NEK5: variants seen among roughly 807,000 people sequenced by gnomAD.
NEK5 encodes the protein NIMA related kinase 5, also known as serine/threonine-protein kinase Nek5.
A neutral mutation model predicts 109.2 loss-of-function variants in NEK5; 88 were observed. That is an observed-to-expected ratio of 0.81 (90% CI 0.68 to 0.96). The LOEUF (loss-of-function observed/expected upper bound fraction) is 0.96, where lower values mean the gene tolerates loss of function less well. Among genes scored for constraint, NEK5 ranks in the 40% least tolerant of loss-of-function variants. The pLI is 0.00. For missense variants in NEK5, 834 were observed against 920.7 expected (o/e 0.91, Z 1.22); for synonymous variants, 283 against 299.9 (o/e 0.94, Z 0.58).
intron 20 of NEK5, among the ~76,000 whole-genome samples, chr13:52,071,215 G>C (rs1411273713): frequency 6.6e-6 from 1 of 152,118 alleles, no homozygotes; most frequent in South Asian, 2.1e-4. Flanking sequence ...AACAAAAAGG[G>C]AGGGGTCCCA....
At chr13:52,124,725 AC>A (rs1246995587) in intron 3 of NEK5, among the ~76,000 whole-genome samples, 1 of 152,224 alleles carries the variant, frequency 6.6e-6, no homozygotes, top group East Asian at 1.9e-4. Context: ...TATTTTTGGC[AC>A]CTTCTCGATT....
chr13:52,098,868 T>G (rs9526834), intron 12 of NEK5, among the ~76,000 whole-genome samples: 94,687 of 152,076 alleles, frequency 0.62, 30,533 homozygotes, highest in Non-Finnish European at 0.71. Context: ...ATACTTCATT[T>G]TAAGTACAAA....
At chr13:52,068,483 A>ACACG (rs1243081680) in intron 20 of NEK5, among the ~76,000 whole-genome samples, 2 of 151,898 alleles carry the variant, frequency 1.3e-5, no homozygotes, top group Admixed American at 1.3e-4. Flanking sequence ...ACACACACAC[A>ACACG]CACACACACA....
At chr13:52,128,810 G>C (rs994873942) in intron 1 of NEK5, 6 of 152,362 alleles carry the variant, frequency 3.9e-5, no homozygotes, top group Non-Finnish European at 5.9e-5. Context: ...CGGGTGAGTG[G>C]CAAGACGCTT....
chr13:52,100,922 C>T (rs1007828893), intron 11 of NEK5, among the ~76,000 whole-genome samples: 5 of 152,128 alleles, frequency 3.3e-5, no homozygotes, highest in African/African-American at 1.2e-4. Flanking sequence ...ATAACATTTC[C>T]CTGTCATGGA....
At chr13:52,110,603 C>T in intron 5 of NEK5, 26 bp from the exon 6 acceptor site, 1 of 1,420,348 alleles carries the variant, frequency 7.0e-7, no homozygotes, top group South Asian at 1.2e-5. Flanking sequence ...AAAACAAAGC[C>T]ACTGAATAGC....
At position 52,086,378 on chromosome 13, in the gene NEK5, C is replaced by G. The variant is rs1467272822; in HGVS notation, c.1393-15G>C. 2 of 1,536,144 alleles carry G rather than the reference C, an allele frequency of 1.3e-6. No individual in the cohort carries two copies. The highest frequency in any genetic ancestry group is 4.5e-5 in the East Asian group (2 of 44,456). The stretch of plus-strand genomic sequence containing the variant: ...TTCCAATATTCCTGGAAAGCAAACC[C>G]AATCCAGAAACTTTAAATGTTTATG... On this transcript the variant is annotated splice_polypyrimidine_tract_variant and intron_variant, in intron 15 of 23. Transcript: ENST00000684899.
At chr13:52,058,120 C>A (rs1191915372) in intron 22 of NEK5, among the ~76,000 whole-genome samples, 2 of 147,790 alleles carry the variant, frequency 1.4e-5, no homozygotes, top group East Asian at 2.0e-4. Context: ...GATACAAAAT[C>A]AATGTACAAA....
intron 6 of NEK5, 35 bp from the exon 7 acceptor site, chr13:52,110,445 A>G: frequency 6.2e-7 from 1 of 1,601,420 alleles, no homozygotes; most frequent in Non-Finnish European, 8.6e-7. Context: ...TGTTTGAGGT[A>G]CTTCAAGAAA....
chr13:52,093,560 C>CAA (rs200989608), intron 12 of NEK5, among the ~76,000 whole-genome samples: 17 of 142,208 alleles, frequency 1.2e-4, no homozygotes, highest in Non-Finnish European at 2.3e-4. Context: ...GACTCCATCT[C>CAA]AAAAAAAAAA....
chr13:52,063,690 G>A (rs894534233), intron 21 of NEK5, among the ~76,000 whole-genome samples: 12 of 146,570 alleles, frequency 8.2e-5, no homozygotes, highest in South Asian at 4.4e-4. Flanking sequence ...CTGCCGCCCC[G>A]TCTGGGATGT....
intron 8 of NEK5, among the ~76,000 whole-genome samples, chr13:52,105,347 G>A (rs774771441): frequency 5.3e-5 from 8 of 151,496 alleles, no homozygotes; most frequent in Admixed American, 4.0e-4. Flanking sequence ...TACAATAGAC[G>A]GTAAGATTGG....
chr13:52,121,469 T>C (rs532253177), intron 3 of NEK5, among the ~76,000 whole-genome samples: 1 of 152,302 alleles, frequency 6.6e-6, no homozygotes, highest in Admixed American at 6.5e-5. Flanking sequence ...TTTTGACTAA[T>C]TCTTCTAGAA....
At position 52,115,379 on chromosome 13, in the gene NEK5, T is replaced by C. The variant is rs1173879660; in HGVS notation, c.215-3014A>G. On this transcript the variant is annotated intron_variant, in intron 4 of 23. Coordinates refer to ENST00000684899, the MANE Select transcript of NEK5 (RefSeq NM_001365552.1). The stretch of plus-strand genomic sequence containing the variant: ...CAGCACTTTGGGAGGCCGAGATGAG[T>C]GGATCACCTGAGGTCAGGAATTTGA... Among the ~76,000 whole-genome samples the C allele has an allele frequency of 2.7e-5, 4 of 149,182 alleles. No homozygotes were observed. In the East Asian group the frequency reaches 8.3e-4, roughly 31 times the overall value.
intron 15 of NEK5, 43 bp downstream of exon 15, chr13:52,087,295 C>A: frequency 1.0e-6 from 1 of 1,000,512 alleles, no homozygotes; most frequent in Non-Finnish European, 1.6e-6. Flanking sequence ...GACAGTAATA[C>A]AAAGAAATAC....
intron 16 of NEK5, among the ~76,000 whole-genome samples, chr13:52,084,754 A>AGTGT (rs1352619697): frequency 3.7e-4 from 19 of 51,550 alleles, no homozygotes; most frequent in East Asian, 8.4e-4. Context: ...AGAGAGAGAG[A>AGTGT]GAGAGAGAGT....
At chr13:52,080,432 G>A (rs1165551144) in intron 17 of NEK5, among the ~76,000 whole-genome samples, 22 of 152,040 alleles carry the variant, frequency 1.4e-4, no homozygotes, top group African/African-American at 4.3e-4. Context: ...TGACAATGGC[G>A]GTTTTGTGGA....
At chr13:52,094,122 C>A (rs1955353919) in intron 12 of NEK5, among the ~76,000 whole-genome samples, 2 of 152,142 alleles carry the variant, frequency 1.3e-5, no homozygotes, top group African/African-American at 4.8e-5. Context: ...CCAACCAGAA[C>A]AGAATGAGAA....
In NEK5 at chr13:52,034,194, T is replaced by C. The variant is rs559984085; in HGVS notation, c.*2754A>G. The C allele has an allele frequency of 3.9e-4, 60 of 152,340 alleles. No homozygotes were observed. Among genetic ancestry groups the C allele is most frequent in the African/African-American group, 1.4e-3 (60 of 41,578 alleles). 9.4% of individuals were successfully genotyped at this position (152,340 alleles called of 1,614,324 possible). ...ATTTTTCTAATAAAAAAATTTTTAA[T>C]GCATACAGGTCTGGTGAACAGTTTC... is the stretch of plus-strand genomic sequence containing the variant. On this transcript the variant is annotated 3_prime_UTR_variant, in exon 24 of 24. Coordinates refer to ENST00000684899, the MANE Select transcript of NEK5 (RefSeq NM_001365552.1).
Sources: gnomAD v4.1 joint callset for allele counts (sites outside exome capture counted in the v4.1 genomes callset) on GRCh38, gnomAD v4.1.1 for gene constraint, MANE v1.5 for transcripts, NCBI Gene and HGNC (gene_info 2026-07-23, HGNC 2026-07-21) for gene names.